The following NEK6 variants were observed in gnomAD, a reference collection of about 807,000 sequenced individuals.
NEK6 encodes serine/threonine-protein kinase Nek6.
Under a neutral mutation model 43.5 loss-of-function variants are expected in NEK6, and 27 were observed. That is an observed-to-expected ratio of 0.62 (90% CI 0.46 to 0.86). NEK6 has a LOEUF of 0.86. NEK6 is among the 40% of genes least tolerant of loss of function. NEK6 has a pLI of 0.00. For missense variants in NEK6, 318 were observed against 414.4 expected, an observed-to-expected ratio of 0.77 and a Z score of 2.02; for synonymous variants, 167 against 164.1, an observed-to-expected ratio of 1.02 and a Z score of -0.14.
intron 1 of NEK6, among the ~76,000 whole-genome samples, chr9:124,279,117 C>T (rs1831778780): frequency 6.6e-6 from 1 of 152,224 alleles, no homozygotes; most frequent in African/African-American, 2.4e-5. Context: ...TTCAACCTGT[C>T]TTGGTGGGAT....
At chr9:124,257,888 T>C (rs1830866765), upstream of NEK6, 1 of 984,938 alleles carries the variant, frequency 1.0e-6, no homozygotes, top group Non-Finnish European at 1.2e-6. Context: ...GCACGAGCGC[T>C]GGGGGCGGCG....
At chr9:124,284,971 G>A (rs747528068) in intron 1 of NEK6, among the ~76,000 whole-genome samples, 10 of 152,368 alleles carry the variant, frequency 6.6e-5, no homozygotes, top group South Asian at 4.1e-4. Context: ...AATACGTGGT[G>A]CAGTAGGTGC....
intron 1 of NEK6, among the ~76,000 whole-genome samples, chr9:124,294,491 CA>C (rs11315005): frequency 0.3 from 40,023 of 132,878 alleles, 5,984 homozygotes; most frequent in Admixed American, 0.39. Flanking sequence ...GACTCCATCT[CA>C]AAAAAAAAAA....
At chr9:124,341,917 T>C (rs537015032) in intron 8 of NEK6, among the ~76,000 whole-genome samples, 2 of 152,292 alleles carry the variant, frequency 1.3e-5, no homozygotes, top group East Asian at 3.9e-4. Flanking sequence ...GTGCCTGTTA[T>C]TTTGCGGAGA....
At chr9:124,348,481 G>A (rs531089454) in intron 9 of NEK6, among the ~76,000 whole-genome samples, 56 of 152,308 alleles carry the variant, frequency 3.7e-4, no homozygotes, top group African/African-American at 8.7e-4. Flanking sequence ...AGGTTTCCTG[G>A]CACAGCAGGG....
intron 2 of NEK6, among the ~76,000 whole-genome samples, chr9:124,302,762 C>T (rs1047298732): frequency 1.3e-5 from 2 of 152,258 alleles, no homozygotes; most frequent in Non-Finnish European, 1.5e-5. Flanking sequence ...GCTGCCCGCA[C>T]ACCTGTGTCC....
At chr9:124,321,069 G>A (rs537330835) in intron 4 of NEK6, among the ~76,000 whole-genome samples, 2 of 152,354 alleles carry the variant, frequency 1.3e-5, no homozygotes, top group East Asian at 3.9e-4. Flanking sequence ...AGAGAGGTGG[G>A]GCCCAATGCC....
intron 1 of NEK6, among the ~76,000 whole-genome samples, chr9:124,273,943 A>G (rs376365489): frequency 6.6e-6 from 1 of 152,048 alleles, no homozygotes; most frequent in African/African-American, 2.4e-5. Context: ...CCTTCCCCAC[A>G]TGGCCCCCCC....
intron 1 of NEK6, among the ~76,000 whole-genome samples, chr9:124,260,390 A>T (rs1830985231): frequency 6.6e-6 from 1 of 151,808 alleles, no homozygotes; most frequent in Non-Finnish European, 1.5e-5. Flanking sequence ...ATTTATTTTT[A>T]TTTATTTATT....
At chr9:124,289,564 G>A (rs2119039442) in intron 1 of NEK6, among the ~76,000 whole-genome samples, 1 of 152,252 alleles carries the variant, frequency 6.6e-6, no homozygotes, top group South Asian at 2.1e-4. Context: ...CGTCACTATG[G>A]CTACTATGCA....
chr9:124,342,842 A>AAC (rs921414937), intron 8 of NEK6, among the ~76,000 whole-genome samples: 2 of 152,204 alleles, frequency 1.3e-5, no homozygotes, highest in African/African-American at 4.8e-5. Context: ...ACAGCATATG[A>AAC]ACACACACAC....
At chr9:124,261,694 G>GAA in intron 1 of NEK6, 1 of 669,390 alleles carries the variant, frequency 1.5e-6, no homozygotes. Context: ...TGTTGTGTGT[G>GAA]AGGACCTGTG....
intron 1 of NEK6, among the ~76,000 whole-genome samples, chr9:124,298,810 C>A (rs1027352687): frequency 8.5e-5 from 13 of 152,358 alleles, no homozygotes; most frequent in Admixed American, 7.8e-4. Flanking sequence ...ATAGACCTTA[C>A]CTCATGGAGT....
intron 1 of NEK6, among the ~76,000 whole-genome samples, chr9:124,259,968 G>T (rs1286818098): frequency 6.6e-6 from 1 of 152,206 alleles, no homozygotes. Context: ...AGGGAAATGG[G>T]GAGGAAGTTC....
intron 5 of NEK6, among the ~76,000 whole-genome samples, chr9:124,323,685 T>C (rs927761879): frequency 2.0e-5 from 3 of 152,184 alleles, no homozygotes; most frequent in East Asian, 3.9e-4. Flanking sequence ...CCCTCTTCCC[T>C]GAACCTCAGT....
chr9:124,262,810 A>G (rs1831086540), intron 1 of NEK6: 1 of 152,230 alleles, frequency 6.6e-6, no homozygotes, highest in Non-Finnish European at 1.5e-5. Context: ...TTATGTAGGA[A>G]TTCCATAGAG....
At chr9:124,300,869 A>G (rs1360004629) in intron 1 of NEK6, among the ~76,000 whole-genome samples, 1 of 152,208 alleles carries the variant, frequency 6.6e-6, no homozygotes, top group African/African-American at 2.4e-5. Flanking sequence ...AGCCTAGGCC[A>G]GGCCTCAAGG....
At chr9:124,294,632 G>T (rs1338823803) in intron 1 of NEK6, among the ~76,000 whole-genome samples, 1 of 152,172 alleles carries the variant, frequency 6.6e-6, no homozygotes, top group Non-Finnish European at 1.5e-5. Context: ...GGACCAGGGT[G>T]CTGTGTTGCT....
chr9:124,344,214 A>G (rs775445352), intron 8 of NEK6, among the ~76,000 whole-genome samples: 38 of 151,998 alleles, frequency 2.5e-4, no homozygotes, highest in Admixed American at 1.3e-4. Flanking sequence ...CACCTGGATA[A>G]TGCCCCCATC....
Sources: allele counts gnomAD v4.1 joint callset (sites outside exome capture counted in the v4.1 genomes callset), GRCh38; gene constraint gnomAD v4.1.1; transcripts MANE v1.5; gene names NCBI Gene and HGNC (gene_info 2026-07-23, HGNC 2026-07-21).